Variants in MPV17L2 observed in about 807,000 individuals in gnomAD.
MPV17L2 encodes MPV17 mitochondrial inner membrane protein like 2, also known as mpv17-like protein 2.
In MPV17L2, 25 loss-of-function variants were observed where a neutral mutation model predicts 24.2. That is an observed-to-expected ratio of 1.03 (90% confidence interval 0.75 to 1.44). The LOEUF (loss-of-function observed/expected upper bound fraction) is 1.44, where lower values mean the gene tolerates loss of function less well. Among genes scored for constraint, MPV17L2 ranks in the 40% most tolerant of loss-of-function variants. MPV17L2 has a pLI of 0.00. For synonymous variants in MPV17L2, 130 were observed against 121.4 expected, an observed-to-expected ratio of 1.07 and a Z score of -0.46; for missense variants, 271 against 276.2, an observed-to-expected ratio of 0.98 and a Z score of 0.13.
chr19:18,193,256 C>T lies in MPV17L2; in HGVS notation c.-26C>T, dbSNP rs752138314. 5.5e-6 allele frequency: 8 copies of T among 1,459,254 alleles called. No individual in the cohort carries two copies. Among genetic ancestry groups the T allele is most frequent in the Non-Finnish European group, 3.6e-6 (4 of 1,112,338 alleles). The allele number at this position is 1,459,254 out of a possible 1,614,324, so 90.4% of individuals were successfully genotyped here. On this transcript the variant is annotated 5_prime_UTR_variant, in exon 1 of 5. Coordinates refer to ENST00000599612, the MANE Select transcript of MPV17L2 (RefSeq NM_032683.3). ...TCGGCGCGGCGAAAGCAGAGCGGCGCGCCGGTTCCTTGGTTCCTGAGGGCG... is the reference window on the plus strand; with the variant it reads ...TCGGCGCGGCGAAAGCAGAGCGGCGTGCCGGTTCCTTGGTTCCTGAGGGCG...
rs780104940 is a variant in MPV17L2 at position 18,196,002 on chromosome 19, C to A, written c.568C>A (p.Pro190Thr). Residue 190 changes from proline (P) to threonine (T), a missense_variant, in exon 5 of 5, where the codon CCA becomes ACA. Coordinates refer to ENST00000599612, the MANE Select transcript of MPV17L2 (RefSeq NM_032683.3). ...TYLSYLKYRSPVPLTPPGCVA... is the reference protein window; with the variant it reads ...TYLSYLKYRSTVPLTPPGCVA... ...ATGCCTTGTCTTGTGTGGACAGAGC[C>A]CAGTTCCTCTGACACCCCCAGGCTG... 1.6e-5 allele frequency: 26 copies of A among 1,608,094 alleles called. 2 individuals are homozygous for A. The Admixed American group carries it at 4.4e-4, about 27-fold the overall frequency.
Position 18,195,062 on chromosome 19 carries a change from G to A in MPV17L2, c.540G>A (p.Thr180=). ...YINGLTLGWD[T]YLSYLKYRSP... Reference sequence around the variant, plus strand: ...ACGGCCTGACGCTGGGCTGGGACACGTACCTGTCCTACTTGAAGTACCGGG... The same window carrying A: ...ACGGCCTGACGCTGGGCTGGGACACATACCTGTCCTACTTGAAGTACCGGG... Residue 180 remains threonine (T), a synonymous_variant, in exon 4 of 5, where the codon ACG becomes ACA. Transcript: ENST00000599612. 6.2e-7 allele frequency: 1 copy of A among 1,614,156 alleles called. No homozygotes were observed. Among genetic ancestry groups the A allele is most frequent in the South Asian group, 1.1e-5 (1 of 91,082 alleles).
Position 18,196,567 on chromosome 19 carries a change from T to G in MPV17L2, c.*512T>G, listed in dbSNP as rs1600025044. The G allele has an allele frequency of 7.8e-6, 5 of 644,920 alleles. No individual in the cohort carries two copies. Among genetic ancestry groups the G allele is most frequent in the African/African-American group, 3.8e-5 (2 of 52,030 alleles). The allele number at this position is 644,920 out of a possible 1,614,324, so 39.9% of individuals were successfully genotyped here. A position where few individuals can be genotyped will look rare whatever the true frequency, so the allele number is the denominator to read the frequency against. ...GAACTGTGGAAATGCCATTAAACTC[T>G]CTCTATAATGTAACTGAAACTGCTG... On this transcript the variant is annotated 3_prime_UTR_variant, in exon 5 of 5. Coordinates refer to ENST00000599612, the MANE Select transcript of MPV17L2 (RefSeq NM_032683.3).
chr19:18,196,037 G>A lies in MPV17L2; in HGVS notation c.603G>A (p.Leu201=), dbSNP rs1206036711. 2 of 1,613,754 alleles carry A rather than the reference G, an allele frequency of 1.2e-6. No homozygotes were observed. Among genetic ancestry groups the A allele is most frequent in the Non-Finnish European group, 1.7e-6 (2 of 1,179,874 alleles). ...VPLTPPGCVA[L]DTRAD ...TGACACCCCCAGGCTGTGTGGCCCT[G>A]GACACCCGAGCAGACTGAACTGTCT... The change falls in exon 5 of 5, where the codon CTG becomes CTA. Residue 201 remains leucine, a synonymous_variant. Transcript: ENST00000599612.
Position 18,196,025 on chromosome 19 carries a change from C to CTG in MPV17L2, c.596_597dup (p.Ala200TrpfsTer41). On this transcript the variant is annotated frameshift_variant, in exon 5 of 5. Coordinates refer to ENST00000599612, the MANE Select transcript of MPV17L2 (RefSeq NM_032683.3). LOFTEE classifies it high-confidence loss of function. ...GCCCAGTTCCTCTGACACCCCCAGGCTGTGTGGCCCTGGACACCCGAGCAG... is the reference window on the plus strand; with the variant it reads ...GCCCAGTTCCTCTGACACCCCCAGGCTGTGTGTGGCCCTGGACACCCGAGCAG... 1 of 1,613,100 alleles carries CTG rather than the reference C, an allele frequency of 6.2e-7. No individual in the cohort carries two copies. The highest frequency in any genetic ancestry group is 8.5e-7 in the Non-Finnish European group (1 of 1,179,314).
chr19:18,195,013 C>T lies in MPV17L2; in HGVS notation c.491C>T (p.Pro164Leu), dbSNP rs538268363. 665 of 1,614,172 alleles carry T rather than the reference C, an allele frequency of 4.1e-4. 6 individuals carry two copies. In the South Asian group the frequency reaches 6.8e-3, roughly 17 times the overall value. ...AQFVNFLFVPPQFRVTYINGL... is the reference protein window; with the variant it reads ...AQFVNFLFVPLQFRVTYINGL... ...TTCGTGAACTTCCTCTTCGTGCCCC[C>T]CCAATTTCGAGTCACCTACATCAAC... Residue 164 changes from proline to leucine, a missense_variant, in exon 4 of 5, where the codon CCC becomes CTC. By Grantham distance (98) the Pro-to-Leu change is moderately conservative. Transcript: ENST00000599612.
chr19:18,193,347 C>T lies in MPV17L2; in HGVS notation c.66C>T (p.Gly22=). ...CCGCGGGGCAGCTTCTATTCCAGGG[C>T]CGCGCGCTGCTCGTCACTAACACGC... ...LLSAGQLLFQ[G]RALLVTNTLG... The change falls in exon 1 of 5, where the codon GGC becomes GGT. Residue 22 remains glycine, a synonymous_variant. Transcript: ENST00000599612. 6.4e-7 allele frequency: 1 copy of T among 1,564,682 alleles called. No individual in the cohort carries two copies. Among genetic ancestry groups the T allele is most frequent in the Middle Eastern group, 2.2e-4 (1 of 4,468 alleles).
intron 2 of MPV17L2, 78 bp from the exon 3 acceptor site, chr19:18,194,699 C>T: frequency 2.9e-6 from 4 of 1,369,252 alleles, no homozygotes; most frequent in Non-Finnish European, 3.0e-6. Flanking sequence ...ACCCCGCCCC[C>T]TCCATCGTCA....
At chr19:18,194,706 G>T in intron 2 of MPV17L2, 71 bp from the exon 3 acceptor site, 4 of 1,412,368 alleles carry the variant, frequency 2.8e-6, no homozygotes, top group South Asian at 1.3e-5. Flanking sequence ...CCCCTCCATC[G>T]TCAGCCCATC....
rs975965160 is a variant in MPV17L2 at position 18,196,181 on chromosome 19, G to A, written c.*126G>A. On this transcript the variant is annotated 3_prime_UTR_variant, in exon 5 of 5. Transcript: ENST00000599612. Reference sequence around the variant, plus strand: ...ACGTCCCAGCACCACTTCAGCTCCGGAGCATTGGGCTGAGCCGCCCTTTCC... The same window carrying A: ...ACGTCCCAGCACCACTTCAGCTCCGAAGCATTGGGCTGAGCCGCCCTTTCC... 10 of 1,558,306 alleles carry A rather than the reference G, an allele frequency of 6.4e-6. No individual in the cohort carries two copies. The South Asian group carries it at 8.1e-5, about 13-fold the overall frequency.
In MPV17L2 at chr19:18,193,280, C is replaced by T. The variant is rs758347194; in HGVS notation, c.-2C>T. On this transcript the variant is annotated 5_prime_UTR_variant, in exon 1 of 5. Coordinates refer to ENST00000599612, the MANE Select transcript of MPV17L2 (RefSeq NM_032683.3). ...GCGCCGGTTCCTTGGTTCCTGAGGG[C>T]GATGGCGCGGGGTGGCTGGCGCCGG... 21 of 1,531,550 alleles carry T rather than the reference C, an allele frequency of 1.4e-5. No individual in the cohort carries two copies. The East Asian group carries it at 3.5e-4, about 25-fold the overall frequency. The allele number at this position is 1,531,550 out of a possible 1,614,324, so 94.9% of individuals were successfully genotyped here. A position where few individuals can be genotyped will look rare whatever the true frequency, so the allele number is the denominator to read the frequency against.
chr19:18,193,240 C>A lies in MPV17L2; in HGVS notation c.-42C>A, dbSNP rs1314680252. 3 of 1,433,218 alleles carry A rather than the reference C, an allele frequency of 2.1e-6. No individual in the cohort carries two copies. The highest frequency in any genetic ancestry group is 2.7e-6 in the Non-Finnish European group (3 of 1,100,616). 88.8% of individuals were successfully genotyped at this position (1,433,218 alleles called of 1,614,324 possible). A position where few individuals can be genotyped will look rare whatever the true frequency, so the allele number is the denominator to read the frequency against. On this transcript the variant is annotated 5_prime_UTR_variant, in exon 1 of 5. Transcript: ENST00000599612. ...AGTGACTCGCGACTGGTCGGCGCGG[C>A]GAAAGCAGAGCGGCGCGCCGGTTCC...
In MPV17L2 at chr19:18,194,965, G is replaced by A; in HGVS notation, c.443G>A (p.Trp148Ter). The A allele has an allele frequency of 6.2e-7, 1 of 1,612,910 alleles. No homozygotes were observed. The highest frequency in any genetic ancestry group is 1.7e-5 in the Admixed American group (1 of 59,940). Reference protein sequence around the residue: ...EKFWEFYKADWCVWPAAQFVN... With the variant: ...EKFWEFYKAD ...CCCCGCCTCTCCCCGCAGGCAGACT[G>A]GTGCGTGTGGCCTGCTGCGCAGTTC... The change falls in exon 4 of 5, where the codon TGG becomes TAG. Residue 148 changes from tryptophan to a stop codon, truncating the protein, a stop_gained. Transcript: ENST00000599612. LOFTEE classifies it high-confidence loss of function.
rs1014985602 is a variant in MPV17L2 at position 18,196,484 on chromosome 19, C to G, written c.*429C>G. On this transcript the variant is annotated 3_prime_UTR_variant, in exon 5 of 5. Coordinates refer to ENST00000599612, the MANE Select transcript of MPV17L2 (RefSeq NM_032683.3). ...CTCAGAGCAGGCTCAGGCCTGGAGTCGGCCCCCAAAAGTTTCACATAGGGC... is the reference window on the plus strand; with the variant it reads ...CTCAGAGCAGGCTCAGGCCTGGAGTGGGCCCCCAAAAGTTTCACATAGGGC... The G allele has an allele frequency of 1.1e-5, 14 of 1,271,334 alleles. No homozygotes were observed. The highest frequency in any genetic ancestry group is 1.5e-5 in the African/African-American group (1 of 65,368). 78.8% of individuals were successfully genotyped at this position (1,271,334 alleles called of 1,614,324 possible). A position where few individuals can be genotyped will look rare whatever the true frequency, so the allele number is the denominator to read the frequency against.
At chr19:18,193,526 G>A in intron 1 of MPV17L2, 58 bp downstream of exon 1, 2 of 1,425,532 alleles carry the variant, frequency 1.4e-6, no homozygotes, top group Non-Finnish European at 1.8e-6. Context: ...CCCGACACCC[G>A]ACTGCGGGCC....
rs1427051852 is a variant in MPV17L2, at chr19:18,196,320, A to G, written c.*265A>G. 7.0e-7 allele frequency: 1 copy of G among 1,431,106 alleles called. No individual in the cohort carries two copies. Among genetic ancestry groups the G allele is most frequent in the South Asian group, 1.2e-5 (1 of 82,198 alleles). The allele number at this position is 1,431,106 out of a possible 1,614,324, so 88.7% of individuals were successfully genotyped here. ...ATGCGACCTGTGACCAAGATGTCCC[A>G]TCCTCAGCACAGGGCCCACTCTGCC... is the stretch of plus-strand genomic sequence containing the variant. On this transcript the variant is annotated 3_prime_UTR_variant, in exon 5 of 5. Coordinates refer to ENST00000599612, the MANE Select transcript of MPV17L2 (RefSeq NM_032683.3).
At chr19:18,193,550 C>T (rs902499827) in intron 1 of MPV17L2, 82 bp downstream of exon 1, 2 of 1,418,648 alleles carry the variant, frequency 1.4e-6, no homozygotes, top group Non-Finnish European at 1.8e-6. Context: ...ACCCCTGACC[C>T]GTGGCCTCAG....
At chr19:18,193,596 C>G in intron 1 of MPV17L2, 128 bp downstream of exon 1, 1 of 1,404,892 alleles carries the variant, frequency 7.1e-7, no homozygotes, top group South Asian at 1.6e-5. Flanking sequence ...CGCGCCTCTC[C>G]CCGGGTGTCT....
Position 18,194,040 on chromosome 19 carries a change from G to A in MPV17L2, c.358+6G>A. ...GGGCGTCTGGTACTTCTTGGGTAAG[G>A]AGCCTCCTAAGCCTAGGCTTTGCCT... On this transcript the variant is annotated splice_donor_region_variant and intron_variant, in intron 2 of 4. Coordinates refer to ENST00000599612, the MANE Select transcript of MPV17L2 (RefSeq NM_032683.3). 1 of 1,613,468 alleles carries A rather than the reference G, an allele frequency of 6.2e-7. No individual in the cohort carries two copies.
Sources: gnomAD v4.1 joint callset for allele counts on GRCh38, gnomAD v4.1.1 for gene constraint, MANE v1.5 for transcripts, NCBI Gene and HGNC (gene_info 2026-07-23, HGNC 2026-07-21) for gene names.